CYP7B1: variants seen among roughly 807,000 people sequenced by gnomAD.
The protein encoded by CYP7B1 is cytochrome P450 family 7 subfamily B member 1.
In CYP7B1, 29 loss-of-function variants were observed where a neutral mutation model predicts 42.7. The observed-to-expected ratio is 0.68, with a 90% CI of 0.51 to 0.93. The LOEUF (loss-of-function observed/expected upper bound fraction) is 0.93, where lower values mean the gene tolerates loss of function less well. Among genes scored for constraint, CYP7B1 ranks in the 40% least tolerant of loss-of-function variants. The pLI, the probability that CYP7B1 is intolerant of heterozygous loss-of-function variation, is 0.00. For missense variants in CYP7B1, 655 were observed against 600.5 expected (o/e 1.09, Z -0.95); for synonymous variants, 235 against 218.2 (o/e 1.08, Z -0.68).
intron 5 of CYP7B1, 112 bp downstream of exon 5, chr8:64,604,570 G>T: frequency 8.8e-7 from 1 of 1,130,526 alleles, no homozygotes; most frequent in Non-Finnish European, 1.3e-6. Flanking sequence ...AAGCCATCAA[G>T]CTGCCTCAAA....
chr8:64,632,832 T>C (rs1339212101), intron 1 of CYP7B1, among the ~76,000 whole-genome samples: 1 of 151,972 alleles, frequency 6.6e-6, no homozygotes. Context: ...ATTCTGGAAG[T>C]CCTAGCTAAT....
intron 1 of CYP7B1, among the ~76,000 whole-genome samples, chr8:64,703,535 A>G (rs1045086933): frequency 6.6e-6 from 1 of 152,036 alleles, no homozygotes; most frequent in Non-Finnish European, 1.5e-5. Flanking sequence ...CCTTGTCTGA[A>G]GGATGAAACA....
At chr8:64,697,777 G>A (rs1398107403) in intron 1 of CYP7B1, among the ~76,000 whole-genome samples, 2 of 152,186 alleles carry the variant, frequency 1.3e-5, no homozygotes, top group African/African-American at 2.4e-5. Flanking sequence ...AAAAATACAT[G>A]AGATCTCAAC....
intron 1 of CYP7B1, among the ~76,000 whole-genome samples, chr8:64,761,245 A>G (rs1286778408): frequency 1.3e-5 from 2 of 152,156 alleles, no homozygotes; most frequent in Non-Finnish European, 2.9e-5. Flanking sequence ...TAAGGTGACT[A>G]AGTTTTAGAG....
chr8:64,761,545 T>A (rs957015212), intron 1 of CYP7B1, among the ~76,000 whole-genome samples: 1 of 152,112 alleles, frequency 6.6e-6, no homozygotes, highest in Non-Finnish European at 1.5e-5. Context: ...GGATTAATAA[T>A]ATTTTTAAAA....
rs1270602053 is a variant in CYP7B1, at chr8:64,595,172, G to A, written c.*1470C>T. Among the ~76,000 whole-genome samples, 3 of 151,834 alleles carry A rather than the reference G, an allele frequency of 2.0e-5. No homozygotes were observed. The highest frequency in any genetic ancestry group is 7.2e-5 in the African/African-American group (3 of 41,388). ...CAGCAAAACCATCTTTCAAGAAGGA[G>A]AGTAAAAATAAAGACACCCTAAATC... On this transcript the variant is annotated 3_prime_UTR_variant, in exon 6 of 6. Transcript: ENST00000310193.
At chr8:64,688,913 G>A (rs1161649653) in intron 1 of CYP7B1, among the ~76,000 whole-genome samples, 1 of 152,072 alleles carries the variant, frequency 6.6e-6, no homozygotes, top group Non-Finnish European at 1.5e-5. Flanking sequence ...GTGATGGAGC[G>A]AGACCCCATC....
At chr8:64,700,860 T>C (rs2129632432) in intron 1 of CYP7B1, among the ~76,000 whole-genome samples, 1 of 152,232 alleles carries the variant, frequency 6.6e-6, no homozygotes, top group South Asian at 2.1e-4. Context: ...AAGTTACCAT[T>C]CTGAAGAACT....
intron 1 of CYP7B1, among the ~76,000 whole-genome samples, chr8:64,743,885 C>G (rs1433230517): frequency 6.6e-6 from 1 of 152,138 alleles, no homozygotes; most frequent in African/African-American, 2.4e-5. Flanking sequence ...AATTTAACAT[C>G]CCCATGAGCA....
At chr8:64,636,747 G>A (rs1805779128) in intron 1 of CYP7B1, among the ~76,000 whole-genome samples, 1 of 152,158 alleles carries the variant, frequency 6.6e-6, no homozygotes, top group African/African-American at 2.4e-5. Context: ...CAGGGGAACA[G>A]AAGTGGCTCT....
chr8:64,629,604 G>A (rs1311763024), intron 1 of CYP7B1, among the ~76,000 whole-genome samples: 1 of 151,668 alleles, frequency 6.6e-6, no homozygotes, highest in Non-Finnish European at 1.5e-5. Context: ...ATGTTTGAAC[G>A]ACTTTTTTTT....
At chr8:64,784,816 A>G (rs1804495146) in intron 1 of CYP7B1, among the ~76,000 whole-genome samples, 1 of 152,210 alleles carries the variant, frequency 6.6e-6, no homozygotes, top group Non-Finnish European at 1.5e-5. Context: ...AAAAAAAGTT[A>G]AAATAATATG....
At chr8:64,652,822 C>T (rs113993633) in intron 1 of CYP7B1, among the ~76,000 whole-genome samples, 3 of 152,064 alleles carry the variant, frequency 2.0e-5, no homozygotes, top group Admixed American at 6.6e-5. Flanking sequence ...CCAGCCTGGG[C>T]GACAGAGAGA....
chr8:64,696,693 C>T (rs548873171), intron 1 of CYP7B1, among the ~76,000 whole-genome samples: 18 of 152,222 alleles, frequency 1.2e-4, no homozygotes, highest in South Asian at 2.1e-4. Flanking sequence ...GATTTCCATA[C>T]GAAATAGTCC....
intron 1 of CYP7B1, among the ~76,000 whole-genome samples, chr8:64,680,388 C>T (rs1806518157): frequency 6.6e-6 from 1 of 152,126 alleles, no homozygotes; most frequent in African/African-American, 2.4e-5. Context: ...ATCCCTCATC[C>T]TCTCACTGGA....
At chr8:64,724,763 CGAA>C (rs1472301839) in intron 1 of CYP7B1, among the ~76,000 whole-genome samples, 4 of 152,112 alleles carry the variant, frequency 2.6e-5, no homozygotes, top group African/African-American at 4.8e-5. Context: ...AGCCTCAGAA[CGAA>C]GATCTCTCTG....
At chr8:64,759,129 G>C (rs1807849980) in intron 1 of CYP7B1, among the ~76,000 whole-genome samples, 1 of 152,268 alleles carries the variant, frequency 6.6e-6, no homozygotes, top group East Asian at 1.9e-4. Flanking sequence ...AATGATTGAG[G>C]AACTAGCTAT....
At chr8:64,709,109 C>T (rs1479447858) in intron 1 of CYP7B1, among the ~76,000 whole-genome samples, 2 of 152,194 alleles carry the variant, frequency 1.3e-5, no homozygotes, top group Non-Finnish European at 2.9e-5. Context: ...TCTCTATCAG[C>T]TCTGCACCAG....
intron 1 of CYP7B1, among the ~76,000 whole-genome samples, chr8:64,667,867 A>T (rs1404189907): frequency 2.6e-5 from 4 of 152,140 alleles, no homozygotes; most frequent in Admixed American, 1.3e-4. Context: ...TATAGCATAC[A>T]CATAGTAGGC....
Sources: gnomAD v4.1 joint callset for allele counts (sites outside exome capture counted in the v4.1 genomes callset) on GRCh38, gnomAD v4.1.1 for gene constraint, MANE v1.5 for transcripts, NCBI Gene and HGNC (gene_info 2026-07-23, HGNC 2026-07-21) for gene names.